Variants in PTPRR observed in about 807,000 individuals in gnomAD.
PTPRR encodes protein tyrosine phosphatase receptor type R.
Under a neutral mutation model 77.2 loss-of-function variants are expected in PTPRR, and 38 were observed. The observed-to-expected ratio is 0.49, with a 90% CI of 0.38 to 0.65. The LOEUF is 0.65. Among genes scored for constraint, PTPRR ranks in the 30% least tolerant of loss-of-function variants. The pLI, the probability that PTPRR is intolerant of heterozygous loss-of-function variation, is 0.00. For synonymous variants in PTPRR, 299 were observed against 283.1 expected (o/e 1.06, Z -0.57); for missense variants, 744 against 799.2 (o/e 0.93, Z 0.83).
intron 2 of PTPRR, among the ~76,000 whole-genome samples, chr12:70,778,977 C>G (rs1397455002): frequency 1.3e-5 from 2 of 152,156 alleles, no homozygotes; most frequent in Non-Finnish European, 2.9e-5. Flanking sequence ...TCCCAAGTAG[C>G]TGGGATTACA....
At chr12:70,710,717 T>A (rs1254896636) in intron 6 of PTPRR, among the ~76,000 whole-genome samples, 1 of 150,214 alleles carries the variant, frequency 6.7e-6, no homozygotes. Flanking sequence ...AGAAAAAAAA[T>A]CTCATTAAAA....
At chr12:70,725,734 G>C (rs916882943) in intron 6 of PTPRR, among the ~76,000 whole-genome samples, 1 of 152,108 alleles carries the variant, frequency 6.6e-6, no homozygotes, top group East Asian at 1.9e-4. Context: ...TATTTCTTTA[G>C]AGTAATGGTA....
intron 3 of PTPRR, among the ~76,000 whole-genome samples, chr12:70,763,414 G>C (rs1377400134): frequency 6.6e-6 from 1 of 152,178 alleles, no homozygotes; most frequent in Non-Finnish European, 1.5e-5. Flanking sequence ...TTACAGGCGT[G>C]AGCCACCGGG....
chr12:70,882,554 A>T (rs1012218322), intron 2 of PTPRR, among the ~76,000 whole-genome samples: 5 of 152,238 alleles, frequency 3.3e-5, no homozygotes, highest in African/African-American at 1.2e-4. Flanking sequence ...CTGTGTTTAC[A>T]TTTATTTATA....
chr12:70,858,951 G>A (rs987198845), intron 2 of PTPRR, among the ~76,000 whole-genome samples: 9 of 117,790 alleles, frequency 7.6e-5, no homozygotes, highest in South Asian at 5.0e-4. Flanking sequence ...CTAGCATTTC[G>A]CCCTTTTTTT....
At chr12:70,858,005 C>G (rs1201021653) in intron 2 of PTPRR, among the ~76,000 whole-genome samples, 1 of 151,980 alleles carries the variant, frequency 6.6e-6, no homozygotes, top group South Asian at 2.1e-4. Flanking sequence ...TCAAGATGTG[C>G]CCCAGTTTCT....
At chr12:70,771,719 T>G (rs1024520727) in intron 2 of PTPRR, among the ~76,000 whole-genome samples, 1 of 152,166 alleles carries the variant, frequency 6.6e-6, no homozygotes, top group Non-Finnish European at 1.5e-5. Flanking sequence ...GCCAAGTGTA[T>G]TTCAGTTATC....
chr12:70,810,095 T>C (rs1891783144), intron 2 of PTPRR, among the ~76,000 whole-genome samples: 1 of 152,212 alleles, frequency 6.6e-6, no homozygotes, highest in Non-Finnish European at 1.5e-5. Flanking sequence ...CGTCATCATG[T>C]TTCACTATTT....
intron 2 of PTPRR, among the ~76,000 whole-genome samples, chr12:70,832,401 A>G (rs1189974693): frequency 6.6e-6 from 1 of 152,158 alleles, no homozygotes; most frequent in East Asian, 1.9e-4. Context: ...TTTAAATGCT[A>G]TCTTAATTTT....
intron 13 of PTPRR, among the ~76,000 whole-genome samples, chr12:70,650,268 T>A (rs976145018): frequency 2.6e-5 from 4 of 151,704 alleles, no homozygotes; most frequent in African/African-American, 9.7e-5. Context: ...CATGGTGAAA[T>A]CCTGCCTCTA....
chr12:70,744,752 A>T (rs925309397), intron 6 of PTPRR, among the ~76,000 whole-genome samples: 3 of 152,208 alleles, frequency 2.0e-5, no homozygotes, highest in Non-Finnish European at 4.4e-5. Flanking sequence ...TAGAAAATGG[A>T]GACATGGAAA....
intron 2 of PTPRR, among the ~76,000 whole-genome samples, chr12:70,796,348 T>TTC (rs1891514604): frequency 1.3e-5 from 2 of 152,172 alleles, no homozygotes; most frequent in Non-Finnish European, 2.9e-5. Context: ...CACTTTTTTT[T>TTC]AACATTATAG....
intron 7 of PTPRR, among the ~76,000 whole-genome samples, chr12:70,700,004 GAAAAAAAAAGCT>G (rs1180984346): frequency 6.6e-6 from 1 of 151,072 alleles, no homozygotes. Flanking sequence ...TGCAGTTCTA[GAAAAAAAAAGCT>G]CTAGGTGTGC....
chr12:70,699,356 C>G (rs535226440), intron 7 of PTPRR, among the ~76,000 whole-genome samples: 19 of 152,074 alleles, frequency 1.2e-4, no homozygotes, highest in Non-Finnish European at 2.6e-4. Context: ...TCAAATTATC[C>G]TAGTTTTCAG....
chr12:70,714,685 A>G (rs1284375757), intron 6 of PTPRR, among the ~76,000 whole-genome samples: 1 of 152,184 alleles, frequency 6.6e-6, no homozygotes, highest in African/African-American at 2.4e-5. Context: ...TACGAACATA[A>G]TATAAGTTTC....
intron 2 of PTPRR, among the ~76,000 whole-genome samples, chr12:70,883,638 G>GT (rs926700709): frequency 2.6e-5 from 4 of 151,942 alleles, no homozygotes; most frequent in African/African-American, 9.7e-5. Flanking sequence ...CATTTTTTGA[G>GT]TTTTTTTAAA....
At chr12:70,913,410 T>C (rs950104173) in intron 1 of PTPRR, among the ~76,000 whole-genome samples, 1 of 152,194 alleles carries the variant, frequency 6.6e-6, no homozygotes, top group Admixed American at 6.5e-5. Flanking sequence ...TGATTTTGAA[T>C]GTGTAAATGT....
At chr12:70,732,141 C>T (rs905643144) in intron 6 of PTPRR, among the ~76,000 whole-genome samples, 2 of 152,234 alleles carry the variant, frequency 1.3e-5, no homozygotes, top group East Asian at 1.9e-4. Flanking sequence ...AAGTGGGCCT[C>T]TGCCATACTT....
chr12:70,711,470 G>T (rs748261516), intron 6 of PTPRR, among the ~76,000 whole-genome samples: 4 of 151,888 alleles, frequency 2.6e-5, no homozygotes, highest in Non-Finnish European at 5.9e-5. Context: ...TTTATATTTA[G>T]TATATTTATT....
Sources: gnomAD v4.1 joint callset for allele counts (sites outside exome capture counted in the v4.1 genomes callset) on GRCh38, gnomAD v4.1.1 for gene constraint, MANE v1.5 for transcripts, NCBI Gene and HGNC (gene_info 2026-07-23, HGNC 2026-07-21) for gene names.